Variants in ADGRE3 observed in about 807,000 individuals in gnomAD.
ADGRE3 encodes the protein adhesion G protein-coupled receptor E3.
Under a neutral mutation model 80.1 loss-of-function variants are expected in ADGRE3, and 88 were observed. The observed-to-expected ratio is 1.10, with a 90% CI of 0.93 to 1.31. The LOEUF (loss-of-function observed/expected upper bound fraction) is 1.31, where lower values mean the gene tolerates loss of function less well. Among genes scored for constraint, ADGRE3 ranks in the 40% most tolerant of loss-of-function variants. The pLI is 0.00. For missense variants in ADGRE3, 715 were observed against 776.5 expected, an observed-to-expected ratio of 0.92 and a Z score of 0.94; for synonymous variants, 281 against 294.8, an observed-to-expected ratio of 0.95 and a Z score of 0.48.
chr19:14,656,505 C>T (rs368696008), intron 5 of ADGRE3, among the ~76,000 whole-genome samples: 4 of 152,108 alleles, frequency 2.6e-5, no homozygotes, highest in African/African-American at 9.6e-5. Context: ...GCTGAGGAGG[C>T]GGTGTCTGAA....
Position 14,625,609 on chromosome 19 carries a change from C to T in ADGRE3, c.1813-10G>A, listed in dbSNP as rs1424852832. The T allele has an allele frequency of 1.9e-6, 3 of 1,562,828 alleles. No homozygotes were observed. In the East Asian group the frequency reaches 6.7e-5, roughly 35 times the overall value. Reference sequence around the variant, plus strand: ...GATATTGTTTCTGGACCTGGAACATCAAAGGAAATACCTGGATGGGTTTTG... The same window carrying T: ...GATATTGTTTCTGGACCTGGAACATTAAAGGAAATACCTGGATGGGTTTTG... On this transcript the variant is annotated splice_polypyrimidine_tract_variant and intron_variant, in intron 14 of 15. Coordinates refer to ENST00000253673, the MANE Select transcript of ADGRE3 (RefSeq NM_032571.5).
intron 8 of ADGRE3, among the ~76,000 whole-genome samples, chr19:14,646,689 C>CCTTCCTTCCTTCCTTCCTTCCTTCCT: frequency 1.1e-5 from 1 of 91,196 alleles, no homozygotes; most frequent in African/African-American, 5.4e-5. Context: ...CCCTCCCTCC[C>CCTTCCTTCCTTCCTTCCTTCCTTCCT]TCCCTCCTTC....
chr19:14,650,450 T>C (rs1971560213), intron 7 of ADGRE3, among the ~76,000 whole-genome samples: 1 of 146,146 alleles, frequency 6.8e-6, no homozygotes, highest in Non-Finnish European at 1.5e-5. Flanking sequence ...ATCTCTCTCT[T>C]TCCACATCTC....
downstream of ADGRE3, among the ~76,000 whole-genome samples, chr19:14,616,959 C>A (rs976411104): frequency 1.3e-5 from 2 of 151,886 alleles, no homozygotes; most frequent in Non-Finnish European, 2.9e-5. Context: ...CCACGCCTGG[C>A]TAATTTCGTA....
At chr19:14,663,655 A>G (rs765594069) in intron 2 of ADGRE3, 115 bp from the exon 3 acceptor site, 3 of 1,273,902 alleles carry the variant, frequency 2.4e-6, no homozygotes, top group Non-Finnish European at 2.1e-6. Context: ...CCTGGCCAAC[A>G]TACTGAAACC....
chr19:14,666,112 A>C (rs1972100805), intron 2 of ADGRE3, among the ~76,000 whole-genome samples: 1 of 151,096 alleles, frequency 6.6e-6, no homozygotes, highest in East Asian at 1.9e-4. Flanking sequence ...CTCTGGATAG[A>C]TACCCAGTAG....
downstream of ADGRE3, among the ~76,000 whole-genome samples, chr19:14,618,719 G>C (rs2075097687): frequency 6.6e-6 from 1 of 151,560 alleles, no homozygotes; most frequent in African/African-American, 2.4e-5. Context: ...AGCCGGACAT[G>C]GTGGTCCATA....
the ADGRE3 span, among the ~76,000 whole-genome samples, chr19:14,613,782 T>C: frequency 6.6e-6 from 1 of 152,132 alleles, no homozygotes; most frequent in Admixed American, 6.6e-5. Context: ...TCCTCCTGGG[T>C]ACAAGCGATT....
chr19:14,620,555 T>TATTATATATATATATA (rs1970561192), intron 15 of ADGRE3, among the ~76,000 whole-genome samples: 1 of 29,056 alleles, frequency 3.4e-5, no homozygotes, highest in African/African-American at 1.5e-4. Context: ...ATATTATATA[T>TATTATATATATATATA]ATATATATAT....
At chr19:14,617,150 A>C (rs11879893), downstream of ADGRE3, among the ~76,000 whole-genome samples, 15,040 of 151,928 alleles carry the variant, frequency 0.099, 796 homozygotes, top group African/African-American at 0.13. Context: ...GCTATTGCAG[A>C]GGGAAAGCAG....
At position 14,636,081 on chromosome 19, in the gene ADGRE3, C is replaced by CTTTCTTTTTCTTTCTCTCTTT. The variant is rs1555755785; in HGVS notation, c.1484+2023_1484+2024insAAAGAGAGAAAGAAAAAGAAA. ...CCTTCCTTTCCTTTCCTTTCCTTTCCCTTTCTTTCTTTCTTTCTTTCTTTC... is the reference window on the plus strand; with the variant it reads ...CCTTCCTTTCCTTTCCTTTCCTTTCCTTTCTTTTTCTTTCTCTCTTTCTTTCTTTCTTTCTTTCTTTCTTTC... On this transcript the variant is annotated intron_variant, in intron 11 of 15. Coordinates refer to ENST00000253673, the MANE Select transcript of ADGRE3 (RefSeq NM_032571.5). 1.6e-4 allele frequency among the ~76,000 whole-genome samples: 4 copies of CTTTCTTTTTCTTTCTCTCTTT among 24,604 alleles called. 1 individual carries two copies. The highest frequency in any genetic ancestry group is 5.5e-4 in the African/African-American group (4 of 7,338). The allele number at this position is 24,604 out of a possible 152,430, so 16.1% of individuals were successfully genotyped here.
chr19:14,656,074 G>A (rs1001346553), intron 5 of ADGRE3, among the ~76,000 whole-genome samples: 10 of 152,076 alleles, frequency 6.6e-5, no homozygotes, highest in African/African-American at 1.2e-4. Context: ...GGCAGGGTGC[G>A]GTGGCTCATG....
At chr19:14,617,341 C>CCTTCCTTTCTTTCTTT (rs1555752262), downstream of ADGRE3, among the ~76,000 whole-genome samples, 306 of 57,234 alleles carry the variant, frequency 5.3e-3, 6 homozygotes, top group African/African-American at 0.017. Context: ...TCCCTCCCTC[C>CCTTCCTTTCTTTCTTT]CTTTCTTTCT....
At chr19:14,626,223 T>C (rs1470115027) in intron 14 of ADGRE3, among the ~76,000 whole-genome samples, 1 of 151,858 alleles carries the variant, frequency 6.6e-6, no homozygotes, top group African/African-American at 2.4e-5. Context: ...GATCACGAGG[T>C]CAGGAGATTG....
the ADGRE3 span, chr19:14,606,942 C>T: frequency 2.9e-6 from 3 of 1,023,968 alleles, no homozygotes; most frequent in African/African-American, 1.7e-5. Context: ...AGGTCCTCAC[C>T]CTGAGGGTCA....
chr19:14,670,509 G>C (rs1328411102), intron 1 of ADGRE3, among the ~76,000 whole-genome samples: 2 of 152,152 alleles, frequency 1.3e-5, no homozygotes, highest in African/African-American at 4.8e-5. Flanking sequence ...TTTGATGGGG[G>C]ATATTATTTC....
At chr19:14,658,447 G>A in intron 5 of ADGRE3, 66 bp downstream of exon 5, 2 of 1,299,108 alleles carry the variant, frequency 1.5e-6, no homozygotes, top group South Asian at 1.6e-5. Context: ...CTCACTTTGG[G>A]CTTTGTAAAT....
chr19:14,664,794 T>C (rs1972046503), intron 2 of ADGRE3, among the ~76,000 whole-genome samples: 1 of 152,100 alleles, frequency 6.6e-6, no homozygotes, highest in South Asian at 2.1e-4. Flanking sequence ...GTATTTTTTC[T>C]TTAGGCTTCA....
chr19:14,662,665 C>T (rs375939237), intron 3 of ADGRE3, among the ~76,000 whole-genome samples: 4 of 152,100 alleles, frequency 2.6e-5, no homozygotes, highest in South Asian at 2.1e-4. Context: ...GGATTACAGG[C>T]GCGAGCCACC....
Sources: gnomAD v4.1 joint callset for allele counts (sites outside exome capture counted in the v4.1 genomes callset) on GRCh38, gnomAD v4.1.1 for gene constraint, MANE v1.5 for transcripts, NCBI Gene and HGNC (gene_info 2026-07-23, HGNC 2026-07-21) for gene names.